The following LRP1B variants were observed in gnomAD, a reference collection of about 807,000 sequenced individuals.
LRP1B encodes low-density lipoprotein receptor-related protein 1B.
In LRP1B, 217 loss-of-function variants were observed where a neutral mutation model predicts 556.6. That is an observed-to-expected ratio of 0.39 (90% CI 0.35 to 0.44). LRP1B has a LOEUF of 0.44. Ranked by LOEUF, LRP1B falls within the 20% of genes least tolerant of loss-of-function variation. The pLI is 1.00. For synonymous variants in LRP1B, 2,047 were observed against 1,865.8 expected (o/e 1.10, Z -2.50); for missense variants, 5,053 against 5,620.8 (o/e 0.90, Z 3.23).
At chr2:141,527,045 C>T (rs1244387526) in intron 2 of LRP1B, among the ~76,000 whole-genome samples, 1 of 151,994 alleles carries the variant, frequency 6.6e-6, no homozygotes, top group Admixed American at 6.6e-5. Flanking sequence ...TTCAAGTGAC[C>T]ATTCAAAACT....
intron 2 of LRP1B, among the ~76,000 whole-genome samples, chr2:141,661,176 A>G (rs891404439): frequency 6.6e-6 from 1 of 152,220 alleles, no homozygotes; most frequent in Non-Finnish European, 1.5e-5. Flanking sequence ...TCCAAAGGTC[A>G]GCAGCCTCAA....
chr2:140,773,193 G>A (rs1229244458), intron 33 of LRP1B, among the ~76,000 whole-genome samples: 2 of 152,098 alleles, frequency 1.3e-5, no homozygotes, highest in African/African-American at 4.8e-5. Context: ...CTAGGGGCGC[G>A]GTGGCTCACG....
intron 18 of LRP1B, among the ~76,000 whole-genome samples, chr2:140,961,560 T>C (rs1401483263): frequency 2.6e-5 from 4 of 152,126 alleles, no homozygotes; most frequent in African/African-American, 9.6e-5. Flanking sequence ...ATAATTTTTG[T>C]TGTATATCAC....
intron 41 of LRP1B, among the ~76,000 whole-genome samples, chr2:140,697,235 A>C (rs2105412407): frequency 6.6e-6 from 1 of 152,252 alleles, no homozygotes; most frequent in African/African-American, 2.4e-5. Context: ...TTTAATTAAA[A>C]TGTTTTCAGT....
chr2:140,991,762 A>G (rs1486006607), intron 16 of LRP1B, among the ~76,000 whole-genome samples: 1 of 152,140 alleles, frequency 6.6e-6, no homozygotes, highest in Non-Finnish European at 1.5e-5. Flanking sequence ...AGGTAATGGT[A>G]AGCTATGTTG....
At chr2:141,481,328 C>T (rs972068961) in intron 2 of LRP1B, among the ~76,000 whole-genome samples, 7 of 152,068 alleles carry the variant, frequency 4.6e-5, no homozygotes, top group African/African-American at 1.7e-4. Context: ...TTCCCAAATC[C>T]TATCTACACT....
intron 79 of LRP1B, among the ~76,000 whole-genome samples, chr2:140,328,287 C>CT (rs1680601253): frequency 6.6e-6 from 1 of 151,860 alleles, no homozygotes; most frequent in African/African-American, 2.4e-5. Flanking sequence ...ATAAAAGATA[C>CT]ATAGGCTCAC....
intron 57 of LRP1B, 95 bp from the exon 58 acceptor site, chr2:140,487,834 A>C (rs1688536435): frequency 1.4e-6 from 1 of 724,872 alleles, no homozygotes; most frequent in Admixed American, 3.3e-5. Flanking sequence ...TTCCTTTGAA[A>C]CTAAATAGTT....
At chr2:141,779,355 A>T (rs957337553) in intron 2 of LRP1B, among the ~76,000 whole-genome samples, 3 of 152,174 alleles carry the variant, frequency 2.0e-5, no homozygotes, top group Non-Finnish European at 2.9e-5. Context: ...AAAGACTTTT[A>T]AAAAAGATAT....
intron 8 of LRP1B, among the ~76,000 whole-genome samples, chr2:141,059,854 A>T (rs1699289239): frequency 6.6e-6 from 1 of 151,794 alleles, no homozygotes; most frequent in Non-Finnish European, 1.5e-5. Context: ...TCTGAATAAA[A>T]GGCACATGCT....
intron 3 of LRP1B, among the ~76,000 whole-genome samples, chr2:141,386,733 T>C (rs931657098): frequency 1.3e-5 from 2 of 151,886 alleles, no homozygotes; most frequent in Admixed American, 6.6e-5. Context: ...GAAGCAAACA[T>C]GCACAGATTT....
At chr2:141,690,216 A>G (rs937717377) in intron 2 of LRP1B, among the ~76,000 whole-genome samples, 1 of 151,160 alleles carries the variant, frequency 6.6e-6, no homozygotes, top group Non-Finnish European at 1.5e-5. Context: ...AACATAAATT[A>G]GGCTAAAATT....
intron 7 of LRP1B, among the ~76,000 whole-genome samples, chr2:141,126,188 C>T (rs563084320): frequency 5.3e-5 from 8 of 152,164 alleles, no homozygotes; most frequent in South Asian, 4.1e-4. Context: ...CCTGTCACCA[C>T]GCCTGACTAA....
At chr2:141,122,420 A>ACC (rs1558875550) in intron 7 of LRP1B, among the ~76,000 whole-genome samples, 3 of 140,372 alleles carry the variant, frequency 2.1e-5, no homozygotes, top group African/African-American at 7.8e-5. Context: ...AAAAAAAAAA[A>ACC]CATCAAAAAG....
At chr2:140,563,709 G>A (rs774617542) in intron 43 of LRP1B, among the ~76,000 whole-genome samples, 2 of 152,152 alleles carry the variant, frequency 1.3e-5, no homozygotes, top group African/African-American at 2.4e-5. Flanking sequence ...ACTGCTTTCC[G>A]TGTTGAGTGT....
At chr2:141,181,635 C>T (rs570251855) in intron 7 of LRP1B, among the ~76,000 whole-genome samples, 127 of 151,982 alleles carry the variant, frequency 8.4e-4, no homozygotes, top group Admixed American at 2.7e-3. Context: ...TAATATGAGT[C>T]AAAGAGCGCA....
At chr2:141,715,854 A>C (rs1425964354) in intron 2 of LRP1B, among the ~76,000 whole-genome samples, 4 of 152,114 alleles carry the variant, frequency 2.6e-5, no homozygotes, top group African/African-American at 7.2e-5. Context: ...AGCCTACCTC[A>C]GTGCAGAAAC....
intron 7 of LRP1B, among the ~76,000 whole-genome samples, chr2:141,113,910 G>C (rs1284615666): frequency 6.6e-6 from 1 of 152,192 alleles, no homozygotes; most frequent in Admixed American, 6.5e-5. Flanking sequence ...TCTAAGTTCA[G>C]CTGTTAGAAA....
chr2:141,319,299 G>GTTTTTTTTT (rs201761576), intron 3 of LRP1B, among the ~76,000 whole-genome samples: 45 of 80,406 alleles, frequency 5.6e-4, no homozygotes, highest in Middle Eastern at 8.6e-3. Context: ...AAAAAGCAGT[G>GTTTTTTTTT]TTTTTTTGTT....
Sources: gnomAD v4.1 joint callset for allele counts (sites outside exome capture counted in the v4.1 genomes callset) on GRCh38, gnomAD v4.1.1 for gene constraint, MANE v1.5 for transcripts, NCBI Gene and HGNC (gene_info 2026-07-23, HGNC 2026-07-21) for gene names.